The following RAD51 variants were observed in gnomAD, a reference collection of about 807,000 sequenced individuals.
The protein encoded by RAD51 is RAD51 recombinase.
In RAD51, 14 loss-of-function variants were observed where a neutral mutation model predicts 41.5. That is an observed-to-expected ratio of 0.34 (90% CI 0.22 to 0.53). RAD51 has a LOEUF of 0.53. Among genes scored for constraint, RAD51 ranks in the 20% least tolerant of loss-of-function variants. RAD51 has a pLI of 0.95. For missense variants in RAD51, 234 were observed against 422.0 expected, an observed-to-expected ratio of 0.55 and a Z score of 3.90; for synonymous variants, 136 against 148.6, an observed-to-expected ratio of 0.92 and a Z score of 0.62.
chr15:40,708,981 C>T (rs1895525768), intron 4 of RAD51, 44 bp from the exon 5 acceptor site: 21 of 1,473,734 alleles, frequency 1.4e-5, no homozygotes, highest in Non-Finnish European at 1.9e-5. Flanking sequence ...ACAGTTTCTA[C>T]ATGTTTGTAT....
At chr15:40,718,042 G>A (rs1596006627) in intron 5 of RAD51, among the ~76,000 whole-genome samples, 2 of 152,182 alleles carry the variant, frequency 1.3e-5, no homozygotes, top group Non-Finnish European at 2.9e-5. Flanking sequence ...GACCAGCCTG[G>A]GCAATGTGGC....
intron 5 of RAD51, among the ~76,000 whole-genome samples, chr15:40,716,277 AAG>A (rs1410729855): frequency 5.3e-5 from 8 of 152,206 alleles, no homozygotes; most frequent in African/African-American, 1.9e-4. Context: ...ACTTATATAA[AAG>A]AAGTATATGA....
At chr15:40,706,638 G>A (rs906238942) in intron 4 of RAD51, among the ~76,000 whole-genome samples, 3 of 152,178 alleles carry the variant, frequency 2.0e-5, no homozygotes, top group Non-Finnish European at 2.9e-5. Flanking sequence ...GAAGACGGAG[G>A]TTGCTGTGAG....
chr15:40,708,632 A>G (rs1173363998), intron 4 of RAD51, among the ~76,000 whole-genome samples: 4 of 151,904 alleles, frequency 2.6e-5, no homozygotes, highest in Admixed American at 1.3e-4. Context: ...CACCCAGGCT[A>G]GAGTGCACTG....
chr15:40,709,478 ATT>A (rs1399466394), intron 5 of RAD51, among the ~76,000 whole-genome samples: 4 of 141,462 alleles, frequency 2.8e-5, no homozygotes, highest in Non-Finnish European at 4.5e-5. Context: ...GGTTCAAGTG[ATT>A]CTCCTTCATC....
At position 40,732,038 on chromosome 15, in the gene RAD51, G is replaced by T; in HGVS notation, c.*860G>T. On this transcript the variant is annotated 3_prime_UTR_variant, in exon 10 of 10. Coordinates refer to ENST00000267868, the MANE Select transcript of RAD51 (RefSeq NM_002875.5). ...GTGGAAGTTGCAGTGAGTCGAGATT[G>T]CACTGCTGCATTCCAGCCAGGGTGA... 1 of 210,440 alleles carries T rather than the reference G, an allele frequency of 4.8e-6. No individual in the cohort carries two copies. Among genetic ancestry groups the T allele is most frequent in the Non-Finnish European group, 9.6e-6 (1 of 103,734 alleles). 13.0% of individuals were successfully genotyped at this position (210,440 alleles called of 1,614,324 possible). A position where few individuals can be genotyped will look rare whatever the true frequency, so the allele number is the denominator to read the frequency against.
intron 1 of RAD51, among the ~76,000 whole-genome samples, chr15:40,696,506 C>G (rs550418583): frequency 5.3e-5 from 8 of 152,230 alleles, no homozygotes; most frequent in African/African-American, 1.9e-4. Context: ...GAGGTATAAG[C>G]TGCAGTGAGC....
At chr15:40,724,961 G>A (rs1174902266) in intron 6 of RAD51, among the ~76,000 whole-genome samples, 6 of 133,388 alleles carry the variant, frequency 4.5e-5, no homozygotes, top group South Asian at 4.8e-4. Context: ...CTGCAGTGGC[G>A]CAATCTCGGC....
rs1030288733 is a variant in RAD51, at chr15:40,702,081, C to T, written c.225+880C>T. On this transcript the variant is annotated intron_variant, in intron 3 of 9. Coordinates refer to ENST00000267868, the MANE Select transcript of RAD51 (RefSeq NM_002875.5). ...ACAGGTGTGAGCCACCGCGCCCCAC[C>T]GCAAATATTTATTTATAAAATTGTA... Among the ~76,000 whole-genome samples the T allele has an allele frequency of 3.3e-5, 5 of 151,700 alleles. No individual in the cohort carries two copies. In the South Asian group the frequency reaches 6.2e-4, roughly 19 times the overall value.
chr15:40,718,174 G>C (rs1474685404), intron 5 of RAD51, among the ~76,000 whole-genome samples: 2 of 152,062 alleles, frequency 1.3e-5, no homozygotes, highest in African/African-American at 2.4e-5. Context: ...AGTGAGCCAA[G>C]ATTGCACCAC....
At chr15:40,726,265 C>T (rs1896577358) in intron 6 of RAD51, among the ~76,000 whole-genome samples, 1 of 134,490 alleles carries the variant, frequency 7.4e-6, no homozygotes, top group Non-Finnish European at 1.6e-5. Context: ...TTTTTTGAGA[C>T]GGAGTTTCAC....
At chr15:40,724,174 A>G (rs1001731957) in intron 6 of RAD51, among the ~76,000 whole-genome samples, 2 of 152,210 alleles carry the variant, frequency 1.3e-5, no homozygotes, top group African/African-American at 2.4e-5. Context: ...CAAAATTCCT[A>G]TGAAGGAAAA....
At chr15:40,721,951 T>C (rs988203477) in intron 6 of RAD51, among the ~76,000 whole-genome samples, 1 of 152,010 alleles carries the variant, frequency 6.6e-6, no homozygotes, top group Non-Finnish European at 1.5e-5. Context: ...ATAGATAAAA[T>C]GTACATACAC....
intron 1 of RAD51, among the ~76,000 whole-genome samples, chr15:40,696,178 CCT>C (rs968652647): frequency 5.3e-5 from 8 of 151,354 alleles, no homozygotes; most frequent in African/African-American, 1.4e-4. Flanking sequence ...GCGCCTGGCC[CCT>C]GTTTTTTTGT....
chr15:40,716,822 G>T (rs996754096), intron 5 of RAD51, among the ~76,000 whole-genome samples: 1 of 150,870 alleles, frequency 6.6e-6, no homozygotes, highest in African/African-American at 2.4e-5. Flanking sequence ...CACCACGCCC[G>T]GCTAATTTTT....
intron 6 of RAD51, among the ~76,000 whole-genome samples, chr15:40,724,674 CT>C (rs869156620): frequency 8.5e-4 from 80 of 94,354 alleles, no homozygotes; most frequent in African/African-American, 2.7e-3. Flanking sequence ...TTTTTTATTT[CT>C]TTTTTTTTTT....
chr15:40,729,032 T>C (rs957086935), intron 7 of RAD51, among the ~76,000 whole-genome samples: 7 of 152,168 alleles, frequency 4.6e-5, no homozygotes, highest in African/African-American at 1.7e-4. Flanking sequence ...GGAAATCTTG[T>C]TAAACGGTGC....
rs186027321 is a variant in RAD51, at chr15:40,730,646, C to T, written c.897-409C>T. ...ACACCATTCTCCTGCCTCAGCCTCCCGAATAGCTGGGACTACAGGCACCCG... is the reference window on the plus strand; with the variant it reads ...ACACCATTCTCCTGCCTCAGCCTCCTGAATAGCTGGGACTACAGGCACCCG... On this transcript the variant is annotated intron_variant, in intron 9 of 9. Coordinates refer to ENST00000267868, the MANE Select transcript of RAD51 (RefSeq NM_002875.5). 1.2e-3 allele frequency among the ~76,000 whole-genome samples: 182 copies of T among 149,628 alleles called. 4 individuals are homozygous for T. In the East Asian group the frequency reaches 0.033, roughly 27 times the overall value.
chr15:40,706,314 T>C lies in RAD51; in HGVS notation c.343+20T>C, dbSNP rs773311076. ...TTCAAGGTGTAGTAATCCTTTATCC[T>C]GTGTTGTGAACTCTAGTTAGGAAAG... On this transcript the variant is annotated intron_variant, in intron 4 of 9. Coordinates refer to ENST00000267868, the MANE Select transcript of RAD51 (RefSeq NM_002875.5). 1 of 1,556,456 alleles carries C rather than the reference T, an allele frequency of 6.4e-7. No individual in the cohort carries two copies. Among genetic ancestry groups the C allele is most frequent in the Non-Finnish European group, 8.9e-7 (1 of 1,127,494 alleles).
Sources: gnomAD v4.1 joint callset for allele counts (sites outside exome capture counted in the v4.1 genomes callset) on GRCh38, gnomAD v4.1.1 for gene constraint, MANE v1.5 for transcripts, NCBI Gene and HGNC (gene_info 2026-07-23, HGNC 2026-07-21) for gene names.